HPS1: variants seen among roughly 807,000 people sequenced by gnomAD.
HPS1 encodes the protein HPS1 biogenesis of lysosomal organelles complex 3 subunit 1, also known as BLOC-3 complex member HPS1.
Under a neutral mutation model 90.6 loss-of-function variants are expected in HPS1, and 59 were observed. That is an observed-to-expected ratio of 0.65 (90% CI 0.53 to 0.81). The LOEUF (loss-of-function observed/expected upper bound fraction) is 0.81. Ranked by LOEUF, HPS1 falls within the 30% of genes least tolerant of loss-of-function variation. The pLI is 0.00. For missense variants in HPS1, 849 were observed against 896.7 expected (o/e 0.95, Z 0.68); for synonymous variants, 388 against 384.4 (o/e 1.01, Z -0.11).
chr10:98,431,157 G>C lies in HPS1; in HGVS notation c.642C>G (p.His214Gln). 1 of 1,614,198 alleles carries C rather than the reference G, an allele frequency of 6.2e-7. No homozygotes were observed. The highest frequency in any genetic ancestry group is 1.1e-5 in the South Asian group (1 of 91,076). Residue 214 changes from histidine to glutamine, a missense_variant, in exon 7 of 20, where the codon CAC (histidine) becomes CAG (glutamine). Coordinates refer to ENST00000361490, the MANE Select transcript of HPS1 (RefSeq NM_000195.5). ...TAGAGTAGAATGCCAGCAGCTTGGA[G>C]TGCACGAGCAGGAAGGCATGCAGGG... ...EEALHAFLLV[H>Q]SKLLAFYSSH...
intron 10 of HPS1, among the ~76,000 whole-genome samples, chr10:98,428,408 G>A (rs1845891262): frequency 1.3e-5 from 2 of 152,184 alleles, no homozygotes; most frequent in Admixed American, 1.3e-4. Flanking sequence ...ATGCAGCCAG[G>A]GGGCAAAGCA....
intron 18 of HPS1, 78 bp downstream of exon 18, chr10:98,419,967 C>T: frequency 2.1e-6 from 2 of 965,118 alleles, no homozygotes; most frequent in Non-Finnish European, 3.4e-6. Flanking sequence ...GACAACAATT[C>T]AGAAGAAAGG....
chr10:98,429,334 T>A, intron 10 of HPS1: 1 of 1,445,922 alleles, frequency 6.9e-7, no homozygotes. Flanking sequence ...TTTAAATGAA[T>A]CAACTTGTCA....
intron 6 of HPS1, among the ~76,000 whole-genome samples, chr10:98,431,977 T>C (rs1287262227): frequency 6.6e-6 from 1 of 152,250 alleles, no homozygotes; most frequent in Non-Finnish European, 1.5e-5. Flanking sequence ...ATATTTCACA[T>C]GCATAGCATA....
chr10:98,444,499 T>C (rs1939107253), intron 2 of HPS1, among the ~76,000 whole-genome samples: 1 of 152,216 alleles, frequency 6.6e-6, no homozygotes, highest in African/African-American at 2.4e-5. Flanking sequence ...AATCCTCTTA[T>C]GTGCCTCAGG....
intron 3 of HPS1, among the ~76,000 whole-genome samples, chr10:98,440,747 G>A (rs1938279296): frequency 6.6e-6 from 1 of 150,994 alleles, no homozygotes; most frequent in Non-Finnish European, 1.5e-5. Context: ...AAACTTTAAA[G>A]ACCACCTTTC....
chr10:98,427,719 C>T (rs1845806532), intron 10 of HPS1, among the ~76,000 whole-genome samples: 1 of 152,232 alleles, frequency 6.6e-6, no homozygotes, highest in Non-Finnish European at 1.5e-5. Context: ...TGAGCACCTG[C>T]TGTGTGCTGG....
rs140552558 is a variant in HPS1 at position 98,429,881 on chromosome 10, C to T, written c.777G>A (p.Pro259=). 38 of 1,611,278 alleles carry T rather than the reference C, an allele frequency of 2.4e-5. No homozygotes were observed. In the East Asian group the frequency reaches 3.6e-4, roughly 15 times the overall value. ...TGTTCTGGCTGCTCCGGGCCCTCCG[C>T]GGGGAAGGCTGTGCAGGGCAGGGGA... ...STAEDDIQPS[P]RRARSSQNIP... The change falls in exon 9 of 20, where the codon CCG becomes CCA. Residue 259 remains proline (P), a synonymous_variant. Transcript: ENST00000361490.
At chr10:98,438,502 G>C (rs978339576) in intron 3 of HPS1, among the ~76,000 whole-genome samples, 1 of 152,218 alleles carries the variant, frequency 6.6e-6, no homozygotes, top group Admixed American at 6.5e-5. Context: ...CTGCCCTAGA[G>C]ATCTGTGCAA....
Position 98,435,113 on chromosome 10 carries a change from A to G in HPS1, c.398+159T>C. ...AGATATAAAGTCAGAGGGTCAGACC[A>G]GATGGTCTCCAAGGTTCACTTGAGC... On this transcript the variant is annotated intron_variant, in intron 5 of 19. Coordinates refer to ENST00000361490, the MANE Select transcript of HPS1 (RefSeq NM_000195.5). This position sits in a 1 kb window ranked among gnomAD's most constrained non-coding sequence, Gnocchi z 4.3. 1.3e-6 allele frequency: 1 copy of G among 777,060 alleles called. No homozygotes were observed. The highest frequency in any genetic ancestry group is 2.2e-6 in the Non-Finnish European group (1 of 460,504). 48.1% of individuals were successfully genotyped at this position (777,060 alleles called of 1,614,324 possible).
chr10:98,429,758 T>C (rs1331808228), intron 9 of HPS1, 33 bp downstream of exon 9: 2 of 1,613,358 alleles, frequency 1.2e-6, no homozygotes, highest in Non-Finnish European at 1.7e-6. Context: ...GATCCCCTCC[T>C]GCCCCTGACT....
chr10:98,443,879 A>C (rs576245284), intron 2 of HPS1, among the ~76,000 whole-genome samples: 8 of 152,248 alleles, frequency 5.3e-5, no homozygotes, highest in Non-Finnish European at 8.8e-5. Flanking sequence ...CTAAAAATAC[A>C]AAAATTAGCC....
At position 98,417,504 on chromosome 10, in the gene HPS1, C is replaced by G; in HGVS notation, c.*60G>C. ...GACAGGAGGCTCTCGTCATGGGGAA[C>G]AGTGGCAAGCAAGGGTGGCTGGAGG... is the stretch of plus-strand genomic sequence containing the variant. On this transcript the variant is annotated 3_prime_UTR_variant, in exon 20 of 20. Coordinates refer to ENST00000361490, the MANE Select transcript of HPS1 (RefSeq NM_000195.5). The surrounding 1 kb of genome is among the most constrained non-coding windows in gnomAD (Gnocchi z 4.2). 1 of 1,457,030 alleles carries G rather than the reference C, an allele frequency of 6.9e-7. No individual in the cohort carries two copies. Among genetic ancestry groups the G allele is most frequent in the South Asian group, 1.2e-5 (1 of 81,374 alleles). The allele number at this position is 1,457,030 out of a possible 1,614,324, so 90.3% of individuals were successfully genotyped here.
chr10:98,418,804 T>C (rs890144669), intron 18 of HPS1, among the ~76,000 whole-genome samples: 4 of 152,226 alleles, frequency 2.6e-5, no homozygotes, highest in Non-Finnish European at 5.9e-5. Context: ...CATTCAAACC[T>C]GGCCTCTCCA....
At position 98,435,339 on chromosome 10, in the gene HPS1, C is replaced by G; in HGVS notation, c.331G>C (p.Val111Leu). 1.9e-6 allele frequency: 3 copies of G among 1,613,972 alleles called. No individual in the cohort carries two copies. The highest frequency in any genetic ancestry group is 1.7e-6 in the Non-Finnish European group (2 of 1,179,996). The change falls in exon 5 of 20, where the codon GTG becomes CTG. Residue 111 changes from valine (V) to leucine (L), a missense_variant. By Grantham distance (32) the Val-to-Leu change is conservative (BLOSUM62 1). Coordinates refer to ENST00000361490, the MANE Select transcript of HPS1 (RefSeq NM_000195.5). The surrounding 1 kb of genome is among the most constrained non-coding windows in gnomAD (Gnocchi z 4.3). Reference sequence around the variant, plus strand: ...TGCACTTCAAACAGGTACTTGAGCACATACAGCTTCCGCCGCAGGTCCCCC... The same window carrying G: ...TGCACTTCAAACAGGTACTTGAGCAGATACAGCTTCCGCCGCAGGTCCCCC... Reference protein sequence around the residue: ...SEGDLRRKLYVLKYLFEVHFG... With the variant: ...SEGDLRRKLYLLKYLFEVHFG...
downstream of HPS1, chr10:98,414,692 G>T (rs1355364613): frequency 2.0e-5 from 5 of 248,994 alleles, no homozygotes; most frequent in Admixed American, 5.6e-5. Flanking sequence ...GTGGAAACTA[G>T]GTCACTTTGC....
intron 5 of HPS1, 30 bp from the exon 6 acceptor site, chr10:98,434,121 G>C (rs1846945630): frequency 1.3e-6 from 2 of 1,541,898 alleles, no homozygotes; most frequent in Non-Finnish European, 1.7e-6. Context: ...GGGCGGGAGA[G>C]ATCACAAGAA....
chr10:98,414,685 GA>G (rs1417092417), downstream of HPS1: 8 of 232,102 alleles, frequency 3.4e-5, no homozygotes, highest in Non-Finnish European at 5.8e-5. Context: ...GAATGTGGTG[GA>G]AACTAGGTCA....
At chr10:98,429,494 G>A (rs1219763203) in intron 10 of HPS1, 79 bp downstream of exon 10, 6 of 1,610,548 alleles carry the variant, frequency 3.7e-6, no homozygotes, top group Non-Finnish European at 5.1e-6. Context: ...GGGGTCCACT[G>A]GAGCCTAAGA....
Sources: allele counts gnomAD v4.1 joint callset (sites outside exome capture counted in the v4.1 genomes callset), GRCh38; gene constraint gnomAD v4.1.1; non-coding constraint Gnocchi (gnomAD v3.1); transcripts MANE v1.5; gene names NCBI Gene and HGNC (gene_info 2026-07-23, HGNC 2026-07-21).